MRPL43: variants seen among roughly 807,000 people sequenced by gnomAD.
MRPL43 encodes the protein mitochondrial ribosomal protein L43.
In MRPL43, 9 loss-of-function variants were observed where a neutral mutation model predicts 12.7. That is an observed-to-expected ratio of 0.71 (90% confidence interval 0.43 to 1.24). The LOEUF is 1.24. MRPL43 is among the 50% of genes most tolerant of loss of function. The pLI, the probability that MRPL43 is intolerant of heterozygous loss-of-function variation, is 0.00. For missense variants in MRPL43, 211 were observed against 229.2 expected (o/e 0.92, Z 0.51); for synonymous variants, 116 against 96.4 (o/e 1.20, Z -1.19).
At chr10:100,978,991 T>G, downstream of MRPL43, 1 of 1,614,136 alleles carries the variant, frequency 6.2e-7, no homozygotes, top group South Asian at 1.1e-5. Context: ...GCAGTCACCG[T>G]GTGGCCCGTG....
chr10:100,986,677 C>T lies in MRPL43; in HGVS notation c.*57G>A. 6.2e-6 allele frequency: 10 copies of T among 1,613,786 alleles called. No homozygotes were observed. The highest frequency in any genetic ancestry group is 8.5e-6 in the Non-Finnish European group (10 of 1,179,834). On this transcript the variant is annotated 3_prime_UTR_variant, in exon 3 of 3. Coordinates refer to ENST00000318364, the MANE Select transcript of MRPL43 (RefSeq NM_032112.3). Reference sequence around the variant, plus strand: ...GGCTTGGAATCCCAAAGGGGAAGAACCACCTTTACCGGAGTAACAGTCCAA... The same window carrying T: ...GGCTTGGAATCCCAAAGGGGAAGAATCACCTTTACCGGAGTAACAGTCCAA...
Position 100,986,549 on chromosome 10 carries a change from G to C in MRPL43, c.*185C>G. 1 of 1,560,700 alleles carries C rather than the reference G, an allele frequency of 6.4e-7. No homozygotes were observed. The highest frequency in any genetic ancestry group is 8.7e-7 in the Non-Finnish European group (1 of 1,152,302). On this transcript the variant is annotated 3_prime_UTR_variant, in exon 3 of 3. Transcript: ENST00000318364. ...TTGCATAAAAATGAGTGGTTCACAA[G>C]GTCACTGCCCCCAGAAGCAGGCACT...
Position 100,986,420 on chromosome 10 carries a change from C to T in MRPL43, c.*314G>A. The T allele has an allele frequency of 1.3e-6, 2 of 1,497,832 alleles. No individual in the cohort carries two copies. The highest frequency in any genetic ancestry group is 1.8e-6 in the Non-Finnish European group (2 of 1,125,526). The allele number at this position is 1,497,832 out of a possible 1,614,324, so 92.8% of individuals were successfully genotyped here. A position where few individuals can be genotyped will look rare whatever the true frequency, so the allele number is the denominator to read the frequency against. On this transcript the variant is annotated 3_prime_UTR_variant, in exon 3 of 3. Transcript: ENST00000318364. ...GATTCTTCAGAAGCCAGCCTTCAGACCTCTCACTGTGTTTTGAGATCATTA... is the reference window on the plus strand; with the variant it reads ...GATTCTTCAGAAGCCAGCCTTCAGATCTCTCACTGTGTTTTGAGATCATTA...
rs912835771 is a variant in MRPL43 at position 100,986,506 on chromosome 10, A to T, written c.*228T>A. The stretch of plus-strand genomic sequence containing the variant: ...AAACCCTTGAAGTCTTCCTCATCTC[A>T]GGTTTTAGGGATGCCACTTGCATAA... On this transcript the variant is annotated 3_prime_UTR_variant, in exon 3 of 3. Coordinates refer to ENST00000318364, the MANE Select transcript of MRPL43 (RefSeq NM_032112.3). 3 of 1,550,620 alleles carry T rather than the reference A, an allele frequency of 1.9e-6. No individual in the cohort carries two copies. The African/African-American group carries it at 4.1e-5, about 21-fold the overall frequency.
downstream of MRPL43, chr10:100,983,206 G>A: frequency 6.7e-6 from 9 of 1,351,818 alleles, no homozygotes; most frequent in South Asian, 6.1e-5. Context: ...TCTGGGTTCT[G>A]TGCTTGGTGC....
chr10:100,984,097 A>G, downstream of MRPL43: 2 of 1,613,208 alleles, frequency 1.2e-6, no homozygotes, highest in Non-Finnish European at 1.7e-6. Context: ...AAGCACACGC[A>G]GCTCGTGGAG....
At chr10:100,981,575 C>T (rs376292699), downstream of MRPL43, 1 of 1,612,280 alleles carries the variant, frequency 6.2e-7, no homozygotes, top group East Asian at 2.2e-5. Flanking sequence ...ATCATCACAG[C>T]TAAGATGTAT....
downstream of MRPL43, chr10:100,980,050 G>C: frequency 6.2e-7 from 1 of 1,613,628 alleles, no homozygotes; most frequent in Non-Finnish European, 8.5e-7. Flanking sequence ...AAGGGTCAAA[G>C]GGTCTGGCCT....
chr10:100,987,078 G>T lies in MRPL43; in HGVS notation c.238+12C>A, dbSNP rs878856344. 6.2e-7 allele frequency: 1 copy of T among 1,612,590 alleles called. No individual in the cohort carries two copies. Among genetic ancestry groups the T allele is most frequent in the Admixed American group, 1.7e-5 (1 of 59,990 alleles). ...TGATCCCGCCCTCCAGCCCGAGCCC[G>T]GCCCCACTCACGGTATTCGGCCACT... On this transcript the variant is annotated intron_variant, in intron 2 of 2. Transcript: ENST00000318364.
At chr10:100,978,169 G>A (rs1850883375), downstream of MRPL43, 1 of 643,710 alleles carries the variant, frequency 1.6e-6, no homozygotes. Flanking sequence ...ATTGCTGTCA[G>A]GTGCATCTGC....
At chr10:100,984,513 G>C (rs1347264509), downstream of MRPL43, 2 of 1,535,864 alleles carry the variant, frequency 1.3e-6, no homozygotes, top group African/African-American at 2.7e-5. Context: ...GGTCCATATG[G>C]GCTCAATGTC....
At chr10:100,979,416 C>T, downstream of MRPL43, 1 of 1,567,220 alleles carries the variant, frequency 6.4e-7, no homozygotes. Flanking sequence ...GGGAGTCTTG[C>T]TCTGTTGCCA....
downstream of MRPL43, chr10:100,979,795 G>A (rs1850969739): frequency 1.2e-6 from 2 of 1,600,546 alleles, no homozygotes; most frequent in South Asian, 2.2e-5. Flanking sequence ...ACGAGTTGGG[G>A]GGCAGGCTTG....
At chr10:100,983,681 C>T (rs779930213), downstream of MRPL43, 5 of 1,613,482 alleles carry the variant, frequency 3.1e-6, no homozygotes, top group South Asian at 2.2e-5. Context: ...GCCTCTGCCT[C>T]ATCCTGGCCT....
downstream of MRPL43, chr10:100,986,267 C>T: frequency 7.4e-7 from 1 of 1,345,798 alleles, no homozygotes; most frequent in Non-Finnish European, 9.5e-7. Context: ...TGAAGACAGA[C>T]CTGAAATGTG....
At chr10:100,982,231 G>A (rs574667033), downstream of MRPL43, among the ~76,000 whole-genome samples, 7 of 152,194 alleles carry the variant, frequency 4.6e-5, no homozygotes, top group South Asian at 1.5e-3. Context: ...GCAGGCAGAG[G>A]GAGGCTGGCA....
chr10:100,984,767 CTT>C (rs1564801421), downstream of MRPL43: 2 of 1,536,046 alleles, frequency 1.3e-6, no homozygotes, highest in South Asian at 1.2e-5. Context: ...GTGGTGACCT[CTT>C]TGTCAAGAGC....
chr10:100,978,764 G>A (rs999279935), downstream of MRPL43: 5 of 1,570,608 alleles, frequency 3.2e-6, no homozygotes, highest in Non-Finnish European at 4.4e-6. Flanking sequence ...ATTCCTGTGT[G>A]TTGTCAAGTG....
downstream of MRPL43, among the ~76,000 whole-genome samples, chr10:100,982,921 G>A (rs188575139): frequency 4.6e-5 from 7 of 152,376 alleles, no homozygotes; most frequent in East Asian, 5.8e-4. Flanking sequence ...ACTTGGTGTC[G>A]TTGGGGAGAA....
Sources: gnomAD v4.1 joint callset for allele counts (sites outside exome capture counted in the v4.1 genomes callset) on GRCh38, gnomAD v4.1.1 for gene constraint, MANE v1.5 for transcripts, NCBI Gene and HGNC (gene_info 2026-07-23, HGNC 2026-07-21) for gene names.